The following TRPC7 variants were observed in gnomAD, a reference collection of about 807,000 sequenced individuals.
TRPC7 encodes the protein transient receptor potential cation channel subfamily C member 7.
A neutral mutation model predicts 90.1 loss-of-function variants in TRPC7; 42 were observed. The ratio of observed to expected loss-of-function variants is 0.47; its 90% CI spans 0.36 to 0.60. TRPC7 has a LOEUF of 0.60. Among genes scored for constraint, TRPC7 ranks in the 20% least tolerant of loss-of-function variants. TRPC7 has a pLI of 0.00. For missense variants in TRPC7, 955 were observed against 1,112.3 expected (o/e 0.86, Z 2.01); for synonymous variants, 451 against 436.3 (o/e 1.03, Z -0.42).
intron 3 of TRPC7, among the ~76,000 whole-genome samples, chr5:136,301,762 C>G (rs1380168926): frequency 6.6e-6 from 1 of 152,202 alleles, no homozygotes; most frequent in Non-Finnish European, 1.5e-5. Context: ...CCTGCCTGCA[C>G]CCAGGTGAAA....
chr5:136,221,579 T>A (rs1401548739), intron 10 of TRPC7, among the ~76,000 whole-genome samples: 1 of 152,142 alleles, frequency 6.6e-6, no homozygotes, highest in Non-Finnish European at 1.5e-5. Context: ...ACACTGATGA[T>A]GGCCAATGAG....
intron 2 of TRPC7, among the ~76,000 whole-genome samples, chr5:136,328,620 G>A (rs192347211): frequency 6.6e-6 from 1 of 152,248 alleles, no homozygotes; most frequent in African/African-American, 2.4e-5. Flanking sequence ...AATTTAGTCT[G>A]TATAATGGGG....
chr5:136,285,183 T>C (rs1321226445), intron 3 of TRPC7, among the ~76,000 whole-genome samples: 1 of 152,182 alleles, frequency 6.6e-6, no homozygotes, highest in Admixed American at 6.5e-5. Context: ...AGACTAAACA[T>C]GACTTGGAAA....
At chr5:136,318,774 G>A (rs575397171) in intron 2 of TRPC7, among the ~76,000 whole-genome samples, 1 of 151,226 alleles carries the variant, frequency 6.6e-6, no homozygotes, top group African/African-American at 2.4e-5. Context: ...CTCCCTCTAG[G>A]ACCCCTACTC....
chr5:136,263,889 T>C (rs1339895465), intron 5 of TRPC7, among the ~76,000 whole-genome samples: 2 of 152,160 alleles, frequency 1.3e-5, no homozygotes, highest in Non-Finnish European at 2.9e-5. Flanking sequence ...GGAGCAAAGA[T>C]TGGCCATGAA....
Position 136,266,368 on chromosome 5 carries a change from C to G in TRPC7, c.1197G>C (p.Leu399Phe). The G allele has an allele frequency of 6.2e-7, 1 of 1,613,816 alleles. No individual in the cohort carries two copies. Among genetic ancestry groups the G allele is most frequent in the Non-Finnish European group, 8.5e-7 (1 of 1,179,812 alleles). ...VAHAVSFTIF[L>F]GLLVVNASDR... Reference sequence around the variant, plus strand: ...CAGATGCATTCACAACTAATAATCCCAAGAAGATTGTAAAAGAAACTGCAT... The same window carrying G: ...CAGATGCATTCACAACTAATAATCCGAAGAAGATTGTAAAAGAAACTGCAT... Residue 399 changes from leucine (L) to phenylalanine (F), a missense_variant, in exon 5 of 12, where the codon TTG becomes TTC. Leu to Phe is a conservative substitution (Grantham distance 22). Around this residue, in one of 4 missense-constraint regions of TRPC7, gnomAD observed 484 missense variants for 509.6 expected, o/e 0.95. Transcript: ENST00000513104.
intron 2 of TRPC7, among the ~76,000 whole-genome samples, chr5:136,346,291 C>T (rs917794967): frequency 6.6e-6 from 1 of 151,888 alleles, no homozygotes; most frequent in Non-Finnish European, 1.5e-5. Flanking sequence ...GGAATTAATG[C>T]TAATATTTTT....
chr5:136,317,590 G>A (rs1160382851), intron 2 of TRPC7, among the ~76,000 whole-genome samples: 3 of 152,114 alleles, frequency 2.0e-5, no homozygotes, highest in Admixed American at 2.0e-4. Flanking sequence ...TTCAACTCTG[G>A]CATCTCCTCT....
At chr5:136,350,871 C>T (rs2149857875) in intron 2 of TRPC7, among the ~76,000 whole-genome samples, 1 of 152,316 alleles carries the variant, frequency 6.6e-6, no homozygotes, top group Admixed American at 6.5e-5. Context: ...ACTAGAGGGA[C>T]ACAGATCCCT....
At chr5:136,218,092 GAT>G (rs1227918625) in intron 10 of TRPC7, among the ~76,000 whole-genome samples, 1 of 135,316 alleles carries the variant, frequency 7.4e-6, no homozygotes, top group East Asian at 2.0e-4. Flanking sequence ...TAATATATGA[GAT>G]ATATAATATA....
At chr5:136,225,767 G>A (rs542909079) in intron 9 of TRPC7, among the ~76,000 whole-genome samples, 3 of 152,114 alleles carry the variant, frequency 2.0e-5, no homozygotes, top group Admixed American at 6.5e-5. Context: ...CTTCACTGGG[G>A]TCATGGCTTA....
chr5:136,227,809 T>A (rs1170808144), intron 8 of TRPC7, among the ~76,000 whole-genome samples: 1 of 152,188 alleles, frequency 6.6e-6, no homozygotes, highest in Non-Finnish European at 1.5e-5. Flanking sequence ...AGTTTCCTCA[T>A]CTGTAATATA....
intron 1 of TRPC7, among the ~76,000 whole-genome samples, chr5:136,362,662 T>A (rs1760605449): frequency 6.6e-6 from 1 of 152,170 alleles, no homozygotes; most frequent in Non-Finnish European, 1.5e-5. Flanking sequence ...AGTGGTGGAC[T>A]CACTATTAAG....
At chr5:136,287,629 T>C (rs1389487798) in intron 3 of TRPC7, among the ~76,000 whole-genome samples, 1 of 140,358 alleles carries the variant, frequency 7.1e-6, no homozygotes, top group Non-Finnish European at 1.5e-5. Flanking sequence ...TTAATTCTCT[T>C]TTGTTTTTCT....
intron 3 of TRPC7, among the ~76,000 whole-genome samples, chr5:136,287,009 C>A (rs1757740704): frequency 6.6e-6 from 1 of 152,204 alleles, no homozygotes; most frequent in African/African-American, 2.4e-5. Context: ...TTCTGGTTGT[C>A]AGACACACAA....
chr5:136,213,275 G>T lies in TRPC7; in HGVS notation c.*160C>A. ...CAGTTCTGGGTCTAGGCAGGCCAGC[G>T]GGCTGGAGATGTCAGTCATGCTGCA... On this transcript the variant is annotated 3_prime_UTR_variant, in exon 12 of 12. Transcript: ENST00000513104. 4.1e-6 allele frequency: 3 copies of T among 728,886 alleles called. No individual in the cohort carries two copies. The highest frequency in any genetic ancestry group is 3.8e-5 in the South Asian group (2 of 52,222). The allele number at this position is 728,886 out of a possible 1,614,324, so 45.2% of individuals were successfully genotyped here.
intron 10 of TRPC7, 60 bp downstream of exon 10, chr5:136,225,214 C>G: frequency 6.8e-7 from 1 of 1,472,794 alleles, no homozygotes; most frequent in Non-Finnish European, 9.4e-7. Flanking sequence ...GGGACTAAAT[C>G]TGTGTCTTAG....
At chr5:136,275,511 A>G (rs1266127871) in intron 3 of TRPC7, among the ~76,000 whole-genome samples, 1 of 152,122 alleles carries the variant, frequency 6.6e-6, no homozygotes, top group African/African-American at 2.4e-5. Context: ...GCTTGAATCC[A>G]GTTTTTTTGT....
At position 136,302,247 on chromosome 5, in the gene TRPC7, C is replaced by T. The variant is rs796706513; in HGVS notation, c.963+13350G>A. 7.9e-5 allele frequency among the ~76,000 whole-genome samples: 12 copies of T among 152,330 alleles called. No homozygotes were observed. The South Asian group carries it at 8.3e-4, about 11-fold the overall frequency. On this transcript the variant is annotated intron_variant, in intron 3 of 11. Coordinates refer to ENST00000513104, the MANE Select transcript of TRPC7 (RefSeq NM_020389.3). ...TCACCATTTCAAAGGTGTCAGACCA[C>T]GCAGGGACGCCTGCCTTGGTCCTTC...
Sources: allele counts gnomAD v4.1 joint callset (sites outside exome capture counted in the v4.1 genomes callset), GRCh38; gene constraint gnomAD v4.1.1; regional missense constraint gnomAD v4.1.1; transcripts MANE v1.5; gene names NCBI Gene and HGNC (gene_info 2026-07-23, HGNC 2026-07-21).